The following GPSM1 variants were observed in gnomAD, a reference collection of about 807,000 sequenced individuals.
GPSM1 encodes G protein-signaling modulator 1.
Under a neutral mutation model 70.5 loss-of-function variants are expected in GPSM1, and 48 were observed. That is an observed-to-expected ratio of 0.68 (90% CI 0.54 to 0.87). The LOEUF (loss-of-function observed/expected upper bound fraction) is 0.87, where lower values mean the gene tolerates loss of function less well. GPSM1 is among the 40% of genes least tolerant of loss of function. GPSM1 has a pLI of 0.00. For synonymous variants in GPSM1, 416 were observed against 430.1 expected (o/e 0.97, Z 0.41); for missense variants, 981 against 972.6 (o/e 1.01, Z -0.11).
At chr9:136,347,337 G>A (rs530096805) in intron 9 of GPSM1, among the ~76,000 whole-genome samples, 14 of 152,280 alleles carry the variant, frequency 9.2e-5, no homozygotes, top group African/African-American at 3.1e-4. Flanking sequence ...CTGGGTGTGC[G>A]CAGGGCTCCT....
At chr9:136,330,199 TC>T (rs1332283031) in intron 1 of GPSM1, among the ~76,000 whole-genome samples, 1 of 152,006 alleles carries the variant, frequency 6.6e-6, no homozygotes, top group Non-Finnish European at 1.5e-5. Flanking sequence ...AGCTGAGTGC[TC>T]CCCGGGGCTG....
intron 8 of GPSM1, 91 bp downstream of exon 8, chr9:136,339,906 GC>G: frequency 1.3e-6 from 1 of 787,036 alleles, no homozygotes; most frequent in East Asian, 2.7e-5. Flanking sequence ...GCGTGTGCGT[GC>G]CTGGGCCCCC....
rs982213644 is a variant in GPSM1 at position 136,342,186 on chromosome 9, G to T, written c.1207+1193G>T. Among the ~76,000 whole-genome samples, 2 of 152,116 alleles carry T rather than the reference G, an allele frequency of 1.3e-5. No individual in the cohort carries two copies. The highest frequency in any genetic ancestry group is 2.9e-5 in the Non-Finnish European group (2 of 68,004). Reference sequence around the variant, plus strand: ...AGGCCTATTTCTACCCATGGCCGGGGTTTCCTAAGGGTGGGGAGCTCTGCC... The same window carrying T: ...AGGCCTATTTCTACCCATGGCCGGGTTTTCCTAAGGGTGGGGAGCTCTGCC... On this transcript the variant is annotated intron_variant, in intron 9 of 13. Coordinates refer to ENST00000440944, the MANE Select transcript of GPSM1 (RefSeq NM_001145638.3). This position sits in a 1 kb window ranked among gnomAD's most constrained non-coding sequence, Gnocchi z 5.5.
At chr9:136,331,483 G>A (rs929411556) in intron 1 of GPSM1, among the ~76,000 whole-genome samples, 4 of 152,250 alleles carry the variant, frequency 2.6e-5, no homozygotes, top group African/African-American at 7.2e-5. Context: ...ACCGGTAGGC[G>A]GCCAGGGGCC....
In GPSM1 at chr9:136,358,228, TGCCCACCGCCAG is replaced by T; in HGVS notation, c.*16_*27del. 6.5e-7 allele frequency: 1 copy of T among 1,538,934 alleles called. No individual in the cohort carries two copies. The highest frequency in any genetic ancestry group is 8.7e-7 in the Non-Finnish European group (1 of 1,147,388). On this transcript the variant is annotated 3_prime_UTR_variant, in exon 14 of 14. Transcript: ENST00000440944. ...CAGCCTGGTGCGAGCTAAGGCCCTG[TGCCCACCGCCAG>T]GCCCACCCTGCCCCCACTCCTGGAC...
At chr9:136,354,386 C>G (rs1554772623) in intron 11 of GPSM1, among the ~76,000 whole-genome samples, 1 of 152,218 alleles carries the variant, frequency 6.6e-6, no homozygotes, top group African/African-American at 2.4e-5. Context: ...GTCTGTCAGA[C>G]AGCTGTCCGT....
In GPSM1 at chr9:136,336,950, C is replaced by T. The variant is rs188531960; in HGVS notation, c.456C>T (p.Ile152=). Residue 152 remains isoleucine (I), a synonymous_variant, in exon 4 of 14, where the codon ATC becomes ATT. Coordinates refer to ENST00000440944, the MANE Select transcript of GPSM1 (RefSeq NM_001145638.3). ...KVGEARALYN[I]GNVYHAKGKQ... ...GGGAGGCGAGGGCCCTCTACAACAT[C>T]GGGAACGTGTACCACGCCAAAGGCA... The T allele has an allele frequency of 1.0e-5, 16 of 1,557,500 alleles. No individual in the cohort carries two copies. Among genetic ancestry groups the T allele is most frequent in the East Asian group, 4.8e-5 (2 of 41,326 alleles).
intron 1 of GPSM1, among the ~76,000 whole-genome samples, chr9:136,329,939 G>T (rs1160961460): frequency 6.6e-6 from 1 of 151,252 alleles, no homozygotes; most frequent in Non-Finnish European, 1.5e-5. Context: ...CTGGGTGCTG[G>T]GTCGGTGGGG....
At chr9:136,339,086 G>A (rs912672707) in intron 7 of GPSM1, among the ~76,000 whole-genome samples, 1 of 152,220 alleles carries the variant, frequency 6.6e-6, no homozygotes. Flanking sequence ...CCACAGGCCT[G>A]TGGCCTTTCA....
rs60030237 is a variant in GPSM1 at position 136,352,678 on chromosome 9, C to A, written c.1455+2915C>A. Among the ~76,000 whole-genome samples, 1,489 of 152,338 alleles carry A rather than the reference C, an allele frequency of 9.8e-3. 21 individuals carry two copies. The highest frequency in any genetic ancestry group is 0.033 in the African/African-American group (1,389 of 41,584). ...GTCCAGATGAGGACAGCAACCCGCC[C>A]AGGTCCTCTGCGCCTGCCTCCGTAG... On this transcript the variant is annotated intron_variant, in intron 11 of 13. Transcript: ENST00000440944.
chr9:136,333,622 A>G (rs1278920997), intron 1 of GPSM1, among the ~76,000 whole-genome samples: 1 of 152,148 alleles, frequency 6.6e-6, no homozygotes, highest in Non-Finnish European at 1.5e-5. Flanking sequence ...GGTGTTCAGA[A>G]GAGGGCCTGG....
At position 136,341,106 on chromosome 9, in the gene GPSM1, G is replaced by C. The variant is rs1554770208; in HGVS notation, c.1207+113G>C. 5 of 1,549,990 alleles carry C rather than the reference G, an allele frequency of 3.2e-6. No individual in the cohort carries two copies. Reference sequence around the variant, plus strand: ...AGCATGGCGGAGGTGGCAGCCGCCAGAAAATGGCGCCTACAAGCCAGTTCT... The same window carrying C: ...AGCATGGCGGAGGTGGCAGCCGCCACAAAATGGCGCCTACAAGCCAGTTCT... On this transcript the variant is annotated intron_variant, in intron 9 of 13. Coordinates refer to ENST00000440944, the MANE Select transcript of GPSM1 (RefSeq NM_001145638.3). The surrounding 1 kb of genome is among the most constrained non-coding windows in gnomAD (Gnocchi z 6.7).
chr9:136,346,073 G>T (rs782063758), intron 9 of GPSM1, among the ~76,000 whole-genome samples: 1 of 152,240 alleles, frequency 6.6e-6, no homozygotes, highest in Non-Finnish European at 1.5e-5. Context: ...GGGAGGAGCA[G>T]TGGACGGCCC....
intron 9 of GPSM1, among the ~76,000 whole-genome samples, chr9:136,344,385 G>A (rs992963672): frequency 6.6e-6 from 1 of 152,208 alleles, no homozygotes; most frequent in East Asian, 1.9e-4. Context: ...TACTCCTCAC[G>A]GCTCTGGAGG....
chr9:136,349,349 C>A (rs1832600874), intron 10 of GPSM1, among the ~76,000 whole-genome samples: 1 of 152,258 alleles, frequency 6.6e-6, no homozygotes, highest in Admixed American at 6.5e-5. Flanking sequence ...CAGTCACTGT[C>A]ATTGCTGGTA....
chr9:136,339,960 G>GC (rs1257898398), intron 8 of GPSM1, 145 bp downstream of exon 8: 1 of 625,738 alleles, frequency 1.6e-6, no homozygotes, highest in Non-Finnish European at 2.9e-6. Context: ...TCCTTCCGAG[G>GC]CCTGGTGATG....
intron 3 of GPSM1, among the ~76,000 whole-genome samples, chr9:136,336,699 C>T (rs1257802813): frequency 3.3e-5 from 5 of 152,172 alleles, no homozygotes; most frequent in Non-Finnish European, 5.9e-5. Context: ...CCTGGCCACG[C>T]CAATCCGCAG....
intron 2 of GPSM1, among the ~76,000 whole-genome samples, chr9:136,335,385 C>A (rs1351446396): frequency 6.6e-6 from 1 of 152,204 alleles, no homozygotes; most frequent in African/African-American, 2.4e-5. Flanking sequence ...GTCCAGCCCC[C>A]AGGCCGTGCC....
chr9:136,357,916 G>T (rs553496779), intron 13 of GPSM1, 98 bp from the exon 14 acceptor site: 4 of 921,592 alleles, frequency 4.3e-6, no homozygotes, highest in Admixed American at 2.2e-5. Context: ...GGAAGCCCGT[G>T]AACAGTGCAC....
Sources: allele counts gnomAD v4.1 joint callset (sites outside exome capture counted in the v4.1 genomes callset), GRCh38; gene constraint gnomAD v4.1.1; non-coding constraint Gnocchi (gnomAD v3.1); transcripts MANE v1.5; gene names NCBI Gene and HGNC (gene_info 2026-07-23, HGNC 2026-07-21).